The following ANO4 variants were observed in gnomAD, a reference collection of about 807,000 sequenced individuals.
The protein encoded by ANO4 is anoctamin-4.
In ANO4, 69 loss-of-function variants were observed where a neutral mutation model predicts 141.9. The observed-to-expected ratio is 0.49, with a 90% CI of 0.40 to 0.59. The LOEUF (loss-of-function observed/expected upper bound fraction) is 0.59. ANO4 is among the 20% of genes least tolerant of loss of function. The pLI, the probability that ANO4 is intolerant of heterozygous loss-of-function variation, is 0.00. For missense variants in ANO4, 894 were observed against 1,162.2 expected, an observed-to-expected ratio of 0.77 and a Z score of 3.36; for synonymous variants, 350 against 394.3, an observed-to-expected ratio of 0.89 and a Z score of 1.33.
chr12:100,806,982 T>G (rs1204706809), intron 1 of ANO4, among the ~76,000 whole-genome samples: 3 of 152,278 alleles, frequency 2.0e-5, no homozygotes, highest in South Asian at 4.1e-4. Flanking sequence ...TGTCACATGT[T>G]TCTTTTGTAC....
rs138191323 is a variant in ANO4 at position 100,897,354 on chromosome 12, T to C, written c.-140-4292T>C. On this transcript the variant is annotated intron_variant, in intron 1 of 27. Transcript: ENST00000392977. ...GGGAGCCTAGGAAAGACAGTGAGGATACAATAAAACAGGAAGCACTAAATG... is the reference window on the plus strand; with the variant it reads ...GGGAGCCTAGGAAAGACAGTGAGGACACAATAAAACAGGAAGCACTAAATG... Among the ~76,000 whole-genome samples, 355 of 152,216 alleles carry C rather than the reference T, an allele frequency of 2.3e-3. 1 individual carries two copies. The highest frequency in any genetic ancestry group is 7.9e-3 in the African/African-American group (327 of 41,540).
Position 100,826,438 on chromosome 12 carries a change from G to A in ANO4, c.-141+31411G>A, listed in dbSNP as rs2036346004. Among the ~76,000 whole-genome samples, 6 of 152,114 alleles carry A rather than the reference G, an allele frequency of 3.9e-5. No homozygotes were observed. In the South Asian group the frequency reaches 1.0e-3, roughly 26 times the overall value. On this transcript the variant is annotated intron_variant, in intron 1 of 27. Transcript: ENST00000392977. ...GTATCCATTAATATTGATGCATTGA[G>A]TTTCACTAACCGTATTCATGGATGT...
At chr12:101,028,309 A>G (rs1170595405) in intron 9 of ANO4, among the ~76,000 whole-genome samples, 2 of 152,214 alleles carry the variant, frequency 1.3e-5, no homozygotes, top group Non-Finnish European at 2.9e-5. Context: ...TGGCAAGGGC[A>G]TAATTGGGTG....
chr12:100,997,207 G>A lies in ANO4; in HGVS notation c.734+9537G>A, dbSNP rs372304097. On this transcript the variant is annotated intron_variant, in intron 8 of 27. Transcript: ENST00000392977. The stretch of plus-strand genomic sequence containing the variant: ...AAATTAGCTAGGCGTGGTTGCGCGT[G>A]CCTTTAATCCCAGCTACTCTGGAGG... Among the ~76,000 whole-genome samples the A allele has an allele frequency of 8.2e-4, 125 of 151,650 alleles. 3 individuals carry two copies. The East Asian group carries it at 0.019, about 24-fold the overall frequency.
chr12:101,079,956 C>T (rs569976672), intron 15 of ANO4, among the ~76,000 whole-genome samples: 1 of 152,300 alleles, frequency 6.6e-6, no homozygotes, highest in South Asian at 2.1e-4. Flanking sequence ...TAGGCGTGGT[C>T]ACCACGGTCC....
intron 15 of ANO4, among the ~76,000 whole-genome samples, chr12:101,080,238 T>C (rs1307449814): frequency 6.6e-6 from 1 of 152,156 alleles, no homozygotes; most frequent in Non-Finnish European, 1.5e-5. Flanking sequence ...GTGGTAGGCT[T>C]GGTGGGGGAA....
chr12:101,064,729 T>TGCTTTCCACAGTTTC (rs1463014909), intron 14 of ANO4, among the ~76,000 whole-genome samples: 1 of 151,600 alleles, frequency 6.6e-6, no homozygotes, highest in Non-Finnish European at 1.5e-5. Context: ...TCCACAGTTT[T>TGCTTTCCACAGTTTC]GCTTTCCACA....
intron 7 of ANO4, among the ~76,000 whole-genome samples, chr12:100,981,396 C>G (rs572724028): frequency 5.3e-4 from 77 of 146,106 alleles, no homozygotes; most frequent in Non-Finnish European, 1.0e-3. Flanking sequence ...GTGTCATTTA[C>G]TGTAATGTAG....
At chr12:100,930,453 G>C (rs2042045769) in intron 3 of ANO4, among the ~76,000 whole-genome samples, 1 of 152,094 alleles carries the variant, frequency 6.6e-6, no homozygotes, top group Non-Finnish European at 1.5e-5. Context: ...TTTCTCCAAT[G>C]TATGTTCTTG....
intron 3 of ANO4, among the ~76,000 whole-genome samples, chr12:100,768,653 G>A (rs2033180798): frequency 6.6e-6 from 1 of 152,050 alleles, no homozygotes; most frequent in Non-Finnish European, 1.5e-5. Flanking sequence ...CAGTGTATTT[G>A]TTGAATTTAA....
intron 14 of ANO4, among the ~76,000 whole-genome samples, chr12:101,053,592 CCT>C (rs2047966890): frequency 1.3e-5 from 2 of 152,144 alleles, no homozygotes; most frequent in Non-Finnish European, 1.5e-5. Flanking sequence ...CCTATCTCTG[CCT>C]CTGTCTTCAC....
chr12:101,023,068 G>A (rs1348238811), intron 9 of ANO4, among the ~76,000 whole-genome samples: 1 of 152,146 alleles, frequency 6.6e-6, no homozygotes, highest in African/African-American at 2.4e-5. Context: ...TGGATAATAA[G>A]ATCCTTAACT....
At chr12:100,994,700 C>T (rs528750910) in intron 8 of ANO4, among the ~76,000 whole-genome samples, 25 of 152,236 alleles carry the variant, frequency 1.6e-4, no homozygotes, top group South Asian at 1.2e-3. Context: ...TGCTATGCTA[C>T]GTGCACATAT....
At chr12:101,037,000 T>A in intron 9 of ANO4, 95 bp from the exon 10 acceptor site, 1 of 1,254,182 alleles carries the variant, frequency 8.0e-7, no homozygotes, top group Non-Finnish European at 1.1e-6. Flanking sequence ...TAGCCTAGAT[T>A]GTTTCCTCCA....
At chr12:100,823,237 T>A (rs77256066) in intron 1 of ANO4, among the ~76,000 whole-genome samples, 1 of 151,992 alleles carries the variant, frequency 6.6e-6, no homozygotes, top group South Asian at 2.1e-4. Context: ...ACTTTTTTTT[T>A]ATAGTTTAAA....
chr12:100,975,037 G>T, intron 7 of ANO4, 148 bp downstream of exon 7: 1 of 887,640 alleles, frequency 1.1e-6, no homozygotes, highest in Admixed American at 2.0e-5. Flanking sequence ...AGCTGTGTCT[G>T]ATTAGCCTGA....
At chr12:101,021,802 T>C (rs896054902) in intron 9 of ANO4, among the ~76,000 whole-genome samples, 1 of 152,226 alleles carries the variant, frequency 6.6e-6, no homozygotes, top group Non-Finnish European at 1.5e-5. Flanking sequence ...ATTTTTCAAA[T>C]GCTTATTTTA....
intron 14 of ANO4, among the ~76,000 whole-genome samples, chr12:101,052,267 A>G (rs1215951822): frequency 6.6e-6 from 1 of 152,086 alleles, no homozygotes; most frequent in Non-Finnish European, 1.5e-5. Flanking sequence ...TCCCTGAGGT[A>G]TGCTGTGAGC....
intron 3 of ANO4, among the ~76,000 whole-genome samples, chr12:100,765,388 T>A (rs2135536819): frequency 6.7e-6 from 1 of 148,682 alleles, no homozygotes; most frequent in South Asian, 2.1e-4. Flanking sequence ...TCTTTTTTTT[T>A]TTTTTTTTGA....
Sources: allele counts gnomAD v4.1 joint callset (sites outside exome capture counted in the v4.1 genomes callset), GRCh38; gene constraint gnomAD v4.1.1; transcripts MANE v1.5; gene names NCBI Gene and HGNC (gene_info 2026-07-23, HGNC 2026-07-21).